The following WNT7B variants were observed in gnomAD, a reference collection of about 807,000 sequenced individuals.
WNT7B encodes the protein protein Wnt-7b.
Under a neutral mutation model 38.2 loss-of-function variants are expected in WNT7B, and 19 were observed. The ratio of observed to expected loss-of-function variants is 0.50; its 90% CI spans 0.35 to 0.73. The LOEUF (loss-of-function observed/expected upper bound fraction) is 0.73, where lower values mean the gene tolerates loss of function less well. WNT7B is among the 30% of genes least tolerant of loss of function. The probability of loss-of-function intolerance (pLI) is 0.01; values close to 1 mark genes in which losing one functional copy is unlikely to be tolerated. For synonymous variants in WNT7B, 243 were observed against 209.3 expected, an observed-to-expected ratio of 1.16 and a Z score of -1.39; for missense variants, 423 against 507.9, an observed-to-expected ratio of 0.83 and a Z score of 1.61.
chr22:45,975,410 T>C lies in WNT7B; in HGVS notation c.71+1274A>G, dbSNP rs1017979021. 22 of 615,696 alleles carry C rather than the reference T, an allele frequency of 3.6e-5. No homozygotes were observed. Among genetic ancestry groups the C allele is most frequent in the Non-Finnish European group, 6.0e-5 (20 of 331,240 alleles). The allele number at this position is 615,696 out of a possible 1,614,324, so 38.1% of individuals were successfully genotyped here. On this transcript the variant is annotated intron_variant, in intron 1 of 3. Transcript: ENST00000339464. The surrounding 1 kb of genome is among the most constrained non-coding windows in gnomAD (Gnocchi z 6.6). ...GGGACACAGCCTACCCACAGACCTA[T>C]GATAAACGGGGCTACCGGCAGCCGC...
At chr22:45,941,738 C>A (rs1931654042) in intron 2 of WNT7B, among the ~76,000 whole-genome samples, 1 of 152,188 alleles carries the variant, frequency 6.6e-6, no homozygotes, top group Non-Finnish European at 1.5e-5. Flanking sequence ...CCAGCCCCCA[C>A]CTCCCGGGGC....
intron 3 of WNT7B, among the ~76,000 whole-genome samples, chr22:45,930,441 G>T (rs944256701): frequency 1.3e-5 from 2 of 152,240 alleles, no homozygotes; most frequent in Admixed American, 6.5e-5. Context: ...CCTATCTCAG[G>T]CCATCTTGCC....
chr22:45,964,680 C>T (rs1932273538), intron 1 of WNT7B, among the ~76,000 whole-genome samples: 1 of 152,192 alleles, frequency 6.6e-6, no homozygotes, highest in Non-Finnish European at 1.5e-5. Flanking sequence ...CAGGCTCTGC[C>T]ACCCCTGGGC....
chr22:45,961,039 C>T (rs114260463), intron 1 of WNT7B, among the ~76,000 whole-genome samples: 2,215 of 152,350 alleles, frequency 0.015, 42 homozygotes, highest in African/African-American at 0.051. Flanking sequence ...TATCTACTCA[C>T]CCAGAACAGA....
chr22:45,931,244 T>G lies in WNT7B; in HGVS notation c.424A>C (p.Asn142His), dbSNP rs757754262. The change falls in exon 3 of 4, where the codon AAC becomes CAC. Residue 142 changes from asparagine (N) to histidine (H), a missense_variant. By Grantham distance (68) the Asn-to-His change is moderately conservative. Transcript: ENST00000339464. ...GCDREKQGYY[N>H]QAEGWKWGGC... The stretch of plus-strand genomic sequence containing the variant: ...CCCCACTTCCAGCCCTCGGCTTGGT[T>G]GTAGTAGCCCTGCTTCTCGCGGTCG... 3.8e-6 allele frequency: 6 copies of G among 1,599,196 alleles called. No individual in the cohort carries two copies. Among genetic ancestry groups the G allele is most frequent in the Non-Finnish European group, 5.1e-6 (6 of 1,179,814 alleles).
At chr22:45,928,624 C>A (rs1033900038) in intron 3 of WNT7B, among the ~76,000 whole-genome samples, 1 of 80,610 alleles carries the variant, frequency 1.2e-5, no homozygotes, top group African/African-American at 4.9e-5. Context: ...CCTTGTTTTC[C>A]CACCTCCTGT....
intron 2 of WNT7B, among the ~76,000 whole-genome samples, chr22:45,939,640 C>CAT (rs969404760): frequency 2.7e-5 from 4 of 146,184 alleles, no homozygotes; most frequent in Admixed American, 2.0e-4. Context: ...CAAACACACA[C>CAT]ACACACACTC....
chr22:45,972,116 G>GGCCCCCCCCCCCC, intron 1 of WNT7B: 10 of 530,746 alleles, frequency 1.9e-5, no homozygotes, highest in Middle Eastern at 5.0e-4. Context: ...CCCGGGGGGA[G>GGCCCCCCCCCCCC]CCCACCCGCC....
intron 3 of WNT7B, among the ~76,000 whole-genome samples, chr22:45,929,813 CATCT>C (rs1401593555): frequency 8.6e-5 from 13 of 150,694 alleles, no homozygotes; most frequent in Non-Finnish European, 1.6e-4. Flanking sequence ...TCTACCCATC[CATCT>C]ATCTTCCCAT....
intron 2 of WNT7B, chr22:45,935,909 T>G (rs1931503699): frequency 1.7e-5 from 17 of 984,402 alleles, no homozygotes; most frequent in African/African-American, 1.8e-5. Flanking sequence ...ATGCTCTGTT[T>G]GGGGCCGGCA....
Position 45,976,837 on chromosome 22 carries a change from G to T in WNT7B, c.-83C>A. ...CGGCAGGGCCGGGCAGGGGCCAGGG[G>T]GCTGCGGGCAGACTGCGCTCAGCCC... On this transcript the variant is annotated 5_prime_UTR_variant, in exon 1 of 4. Coordinates refer to ENST00000339464, the MANE Select transcript of WNT7B (RefSeq NM_058238.3). The surrounding 1 kb of genome is among the most constrained non-coding windows in gnomAD (Gnocchi z 8.5). 3 of 1,280,952 alleles carry T rather than the reference G, an allele frequency of 2.3e-6. No homozygotes were observed. Among genetic ancestry groups the T allele is most frequent in the Non-Finnish European group, 3.0e-6 (3 of 991,140 alleles). The allele number at this position is 1,280,952 out of a possible 1,614,324, so 79.3% of individuals were successfully genotyped here.
Position 45,977,044 on chromosome 22 carries a change from G to T in WNT7B, c.-290C>A, listed in dbSNP as rs1389287164. On this transcript the variant is annotated 5_prime_UTR_variant, in exon 1 of 4. Coordinates refer to ENST00000339464, the MANE Select transcript of WNT7B (RefSeq NM_058238.3). ...CCCTGCAAGCGCGGGCCGGGGGCCC[G>T]GGCGCGGCTGGCGGGCGGGTGCAGC... 5 of 983,794 alleles carry T rather than the reference G, an allele frequency of 5.1e-6. No individual in the cohort carries two copies. The highest frequency in any genetic ancestry group is 6.0e-6 in the Non-Finnish European group (5 of 829,118). The allele number at this position is 983,794 out of a possible 1,614,324, so 60.9% of individuals were successfully genotyped here.
At chr22:45,943,836 G>A (rs1230510193) in intron 2 of WNT7B, among the ~76,000 whole-genome samples, 1 of 152,248 alleles carries the variant, frequency 6.6e-6, no homozygotes. Flanking sequence ...GGCGGCAGGA[G>A]TTGGGCTGAG....
At chr22:45,926,409 T>G in intron 3 of WNT7B, 8 of 985,354 alleles carry the variant, frequency 8.1e-6, no homozygotes, top group Non-Finnish European at 9.6e-6. Context: ...GGTGGTGGAC[T>G]GAGGGGGCTC....
chr22:45,929,955 C>G, intron 3 of WNT7B, among the ~76,000 whole-genome samples: 1 of 150,996 alleles, frequency 6.6e-6, no homozygotes, highest in African/African-American at 2.4e-5. Flanking sequence ...CATCCATCCA[C>G]TCATACATCT....
At chr22:45,963,574 C>CGG (rs1198758649) in intron 1 of WNT7B, among the ~76,000 whole-genome samples, 1 of 152,180 alleles carries the variant, frequency 6.6e-6, no homozygotes, top group African/African-American at 2.4e-5. Flanking sequence ...GCATCTTGGG[C>CGG]CAGGCCACAC....
At chr22:45,937,100 G>A (rs1018602762) in intron 2 of WNT7B, among the ~76,000 whole-genome samples, 1 of 152,218 alleles carries the variant, frequency 6.6e-6, no homozygotes, top group African/African-American at 2.4e-5. Flanking sequence ...TGCAGCCTCA[G>A]TGCTGGGAAG....
At chr22:45,942,703 C>T (rs140111630) in intron 2 of WNT7B, among the ~76,000 whole-genome samples, 89 of 152,312 alleles carry the variant, frequency 5.8e-4, no homozygotes, top group African/African-American at 2.0e-3. Context: ...TGGGGTCCTA[C>T]GTGGATGAGT....
At chr22:45,926,185 G>C (rs1305142472) in intron 3 of WNT7B, 14 of 985,326 alleles carry the variant, frequency 1.4e-5, no homozygotes, top group South Asian at 4.7e-5. Context: ...GTGATCACAG[G>C]GTTCAAGAAT....
Sources: gnomAD v4.1 joint callset for allele counts (sites outside exome capture counted in the v4.1 genomes callset) on GRCh38, gnomAD v4.1.1 for gene constraint, Gnocchi (gnomAD v3.1) non-coding constraint, MANE v1.5 for transcripts, NCBI Gene and HGNC (gene_info 2026-07-23, HGNC 2026-07-21) for gene names.